RBFOX1: variants seen among roughly 807,000 people sequenced by gnomAD.
RBFOX1 encodes the protein RNA binding protein fox-1 homolog 1.
RBFOX1 carries 8 observed loss-of-function variants against 57.7 expected under a neutral mutation model. The ratio of observed to expected loss-of-function variants is 0.14; its 90% CI spans 0.08 to 0.25. RBFOX1 has a LOEUF of 0.25. Ranked by LOEUF, RBFOX1 falls within the 10% of genes least tolerant of loss-of-function variation. RBFOX1 has a pLI of 1.00. For synonymous variants in RBFOX1, 326 were observed against 222.4 expected (o/e 1.47, Z -4.15); for missense variants, 611 against 548.5 (o/e 1.11, Z -1.14).
At chr16:6,075,948 C>G (rs1038958521) in intron 1 of RBFOX1, among the ~76,000 whole-genome samples, 1 of 152,126 alleles carries the variant, frequency 6.6e-6, no homozygotes, top group Non-Finnish European at 1.5e-5. Flanking sequence ...GATTATTAGT[C>G]CCATTTTACA....
chr16:5,421,404 A>G (rs1199562471), intron 1 of RBFOX1, among the ~76,000 whole-genome samples: 2 of 151,980 alleles, frequency 1.3e-5, no homozygotes, highest in Admixed American at 6.6e-5. Flanking sequence ...TAATCCACTC[A>G]CCTCTGCTGA....
At chr16:7,061,664 C>A (rs1004012965) in intron 4 of RBFOX1, among the ~76,000 whole-genome samples, 2 of 152,138 alleles carry the variant, frequency 1.3e-5, no homozygotes, top group Non-Finnish European at 2.9e-5. Flanking sequence ...GTCCTCATGC[C>A]CCTTTCCAGG....
At chr16:6,971,441 G>T (rs917596562) in intron 3 of RBFOX1, among the ~76,000 whole-genome samples, 2 of 152,044 alleles carry the variant, frequency 1.3e-5, no homozygotes, top group East Asian at 1.9e-4. Context: ...GTTTGGAGGG[G>T]TTGGCAGGGG....
At chr16:7,471,352 C>T (rs946285682) in intron 4 of RBFOX1, among the ~76,000 whole-genome samples, 6 of 152,070 alleles carry the variant, frequency 3.9e-5, no homozygotes, top group South Asian at 2.1e-4. Flanking sequence ...AGGAAAACTG[C>T]TGGGCTAATT....
At chr16:5,564,186 AT>A (rs879803744) in intron 2 of RBFOX1, among the ~76,000 whole-genome samples, 76 of 145,718 alleles carry the variant, frequency 5.2e-4, no homozygotes, top group South Asian at 8.7e-4. Flanking sequence ...TAATTTTTGT[AT>A]TTTTTTTTTT....
intron 1 of RBFOX1, among the ~76,000 whole-genome samples, chr16:5,296,770 C>T (rs1249590246): frequency 5.9e-5 from 9 of 151,762 alleles, no homozygotes; most frequent in African/African-American, 2.2e-4. Context: ...CCTCTGCCTC[C>T]TGGGTTCAAG....
Position 6,019,894 on chromosome 16 carries a change from A to G in RBFOX1, c.-225A>G. On this transcript the variant is annotated 5_prime_UTR_variant, in exon 1 of 16. Coordinates refer to ENST00000550418, the MANE Select transcript of RBFOX1 (RefSeq NM_018723.4). This position sits in a 1 kb window ranked among gnomAD's most constrained non-coding sequence, Gnocchi z 4.2. ...ACCAGCACCCCCTTCCGCCGCCTCC[A>G]GCTTATGGTGAGTGTGGCTGGGGGT... The G allele has an allele frequency of 6.5e-7, 1 of 1,534,950 alleles. No individual in the cohort carries two copies. Among genetic ancestry groups the G allele is most frequent in the South Asian group, 1.2e-5 (1 of 83,964 alleles).
chr16:6,429,813 T>G (rs952543754), intron 2 of RBFOX1, among the ~76,000 whole-genome samples: 4 of 152,104 alleles, frequency 2.6e-5, no homozygotes, highest in Non-Finnish European at 4.4e-5. Context: ...TGTGAGCCAA[T>G]TGCACCTCTT....
At chr16:7,103,949 T>C (rs1477249602) in intron 4 of RBFOX1, among the ~76,000 whole-genome samples, 18 of 152,186 alleles carry the variant, frequency 1.2e-4, no homozygotes. Context: ...ATTGAAATCT[T>C]CCAAGTATCC....
intron 3 of RBFOX1, among the ~76,000 whole-genome samples, chr16:5,626,061 A>G (rs967170490): frequency 4.0e-5 from 6 of 151,652 alleles, no homozygotes; most frequent in Non-Finnish European, 8.8e-5. Context: ...TTTTCTTTTT[A>G]GTACAGACGG....
At chr16:7,103,023 A>G (rs1035054326) in intron 4 of RBFOX1, among the ~76,000 whole-genome samples, 4 of 150,882 alleles carry the variant, frequency 2.7e-5, no homozygotes, top group East Asian at 1.9e-4. Flanking sequence ...ACACACGTCT[A>G]TTTGTCTATC....
intron 12 of RBFOX1, among the ~76,000 whole-genome samples, chr16:7,655,116 C>T (rs1256859288): frequency 2.0e-5 from 3 of 152,164 alleles, no homozygotes; most frequent in Non-Finnish European, 2.9e-5. Flanking sequence ...CTACATTAGC[C>T]TAGATCATCT....
chr16:5,273,474 G>A (rs974622178), intron 1 of RBFOX1, among the ~76,000 whole-genome samples: 6 of 152,174 alleles, frequency 3.9e-5, no homozygotes, highest in Non-Finnish European at 7.4e-5. Flanking sequence ...GGCTTCCAAA[G>A]ATCTCAGATG....
At chr16:6,473,993 C>T (rs1291373244) in intron 2 of RBFOX1, among the ~76,000 whole-genome samples, 1 of 152,078 alleles carries the variant, frequency 6.6e-6, no homozygotes, top group African/African-American at 2.4e-5. Context: ...AATCTGACTT[C>T]CTTGAATCGT....
At chr16:6,979,696 C>T (rs969076726) in intron 3 of RBFOX1, among the ~76,000 whole-genome samples, 9 of 152,078 alleles carry the variant, frequency 5.9e-5, no homozygotes, top group African/African-American at 1.4e-4. Flanking sequence ...ACATGTGAGG[C>T]GTTATTATGC....
chr16:7,588,720 C>G (rs143441597), intron 7 of RBFOX1, among the ~76,000 whole-genome samples: 14 of 152,276 alleles, frequency 9.2e-5, no homozygotes, highest in African/African-American at 3.4e-4. Flanking sequence ...GGCCACATTG[C>G]CAGCTCTTTT....
intron 1 of RBFOX1, among the ~76,000 whole-genome samples, chr16:5,285,171 C>A (rs1162271821): frequency 6.6e-6 from 1 of 152,104 alleles, no homozygotes; most frequent in Admixed American, 6.5e-5. Flanking sequence ...TTTTGTCTGA[C>A]TGGATTATTT....
intron 3 of RBFOX1, among the ~76,000 whole-genome samples, chr16:6,706,734 G>C (rs926671563): frequency 1.4e-5 from 2 of 146,008 alleles, no homozygotes; most frequent in African/African-American, 2.6e-5. Flanking sequence ...TTTTAATAGA[G>C]TGTGTGGCAG....
intron 1 of RBFOX1, among the ~76,000 whole-genome samples, chr16:6,130,022 G>A (rs1015327111): frequency 6.6e-6 from 1 of 152,104 alleles, no homozygotes; most frequent in Non-Finnish European, 1.5e-5. Flanking sequence ...CACAAGAAAT[G>A]CAAGGGACAT....
Sources: gnomAD v4.1 joint callset for allele counts (sites outside exome capture counted in the v4.1 genomes callset) on GRCh38, gnomAD v4.1.1 for gene constraint, Gnocchi (gnomAD v3.1) non-coding constraint, MANE v1.5 for transcripts, NCBI Gene and HGNC (gene_info 2026-07-23, HGNC 2026-07-21) for gene names.